Variants in APIP observed in about 807,000 individuals in gnomAD.
APIP encodes APAF1 interacting protein.
In APIP, 32 loss-of-function variants were observed where a neutral mutation model predicts 32.0. The ratio of observed to expected loss-of-function variants is 1.00; its 90% confidence interval spans 0.76 to 1.34. APIP has a LOEUF of 1.34. Among genes scored for constraint, APIP ranks in the 40% most tolerant of loss-of-function variants. The pLI, the probability that APIP is intolerant of heterozygous loss-of-function variation, is 0.00. For synonymous variants in APIP, 92 were observed against 94.8 expected (o/e 0.97, Z 0.17); for missense variants, 247 against 298.6 (o/e 0.83, Z 1.27).
intron 1 of APIP, among the ~76,000 whole-genome samples, chr11:34,914,585 G>A (rs1853623500): frequency 6.6e-6 from 1 of 152,124 alleles, no homozygotes; most frequent in Admixed American, 6.5e-5. Context: ...TGGTAACCTG[G>A]CCAGCACCCT....
chr11:34,910,920 T>C (rs1853537078), intron 1 of APIP, among the ~76,000 whole-genome samples: 1 of 152,158 alleles, frequency 6.6e-6, no homozygotes, highest in Non-Finnish European at 1.5e-5. Context: ...CTAATAGCTT[T>C]CAGTTTCTTT....
At chr11:34,896,036 A>G in intron 1 of APIP, among the ~76,000 whole-genome samples, 1 of 152,366 alleles carries the variant, frequency 6.6e-6, no homozygotes, top group African/African-American at 2.4e-5. Context: ...CACAGGGGCC[A>G]TAAAAAATGA....
chr11:34,898,039 C>T (rs571037567), intron 1 of APIP, among the ~76,000 whole-genome samples: 3 of 152,134 alleles, frequency 2.0e-5, no homozygotes, highest in African/African-American at 4.8e-5. Context: ...AACCACTCCA[C>T]GTGTGTCCAT....
rs1853114438 is a variant in APIP at position 34,888,288 on chromosome 11, A to C, written c.461+5T>G. On this transcript the variant is annotated splice_donor_5th_base_variant and intron_variant, in intron 5 of 6. Coordinates refer to ENST00000395787, the MANE Select transcript of APIP (RefSeq NM_015957.4). ...AATTATTTAAGAAAAAGGAAAAAAA[A>C]ATACCTATAATACCCTCCGGAAGTA... is the stretch of plus-strand genomic sequence containing the variant. 6.4e-7 allele frequency: 1 copy of C among 1,560,860 alleles called. No individual in the cohort carries two copies. The highest frequency in any genetic ancestry group is 8.6e-7 in the Non-Finnish European group (1 of 1,161,970).
chr11:34,909,880 G>T (rs1853519005), intron 1 of APIP, among the ~76,000 whole-genome samples: 1 of 152,142 alleles, frequency 6.6e-6, no homozygotes, highest in African/African-American at 2.4e-5. Flanking sequence ...GAGAAGCTGG[G>T]TTCACATTCC....
intron 1 of APIP, among the ~76,000 whole-genome samples, chr11:34,911,563 C>G (rs1332247153): frequency 6.6e-6 from 1 of 152,140 alleles, no homozygotes. Context: ...CTACGCAATG[C>G]TTAGAAAGAG....
intron 1 of APIP, among the ~76,000 whole-genome samples, chr11:34,905,160 C>T (rs1393689712): frequency 1.3e-5 from 2 of 152,214 alleles, no homozygotes; most frequent in African/African-American, 4.8e-5. Flanking sequence ...TAATTATTAT[C>T]CTCATAGCAG....
chr11:34,888,390 C>T lies in APIP; in HGVS notation c.364G>A (p.Val122Met). 6.2e-7 allele frequency: 1 copy of T among 1,611,294 alleles called. No homozygotes were observed. The highest frequency in any genetic ancestry group is 8.5e-7 in the Non-Finnish European group (1 of 1,178,778). ...AVIHTHSKAA[V>M]MATLLFPGRE... ...CCTGGAAAGAGAAGTGTGGCCATCACAGCAGCTTTAGAGTGGGTATGAATC... is the reference window on the plus strand; with the variant it reads ...CCTGGAAAGAGAAGTGTGGCCATCATAGCAGCTTTAGAGTGGGTATGAATC... Residue 122 changes from valine (V) to methionine (M), a missense_variant, in exon 5 of 7, where the codon GTG (valine) becomes ATG (methionine). Val to Met is a conservative substitution (Grantham distance 21, BLOSUM62 1). Transcript: ENST00000395787.
intron 3 of APIP, 99 bp from the exon 4 acceptor site, chr11:34,888,968 G>A: frequency 3.2e-6 from 2 of 619,666 alleles, no homozygotes; most frequent in Non-Finnish European, 5.1e-6. Context: ...ATACAAGAAA[G>A]TTTATCTATA....
chr11:34,915,650 G>T (rs542571931), intron 1 of APIP, among the ~76,000 whole-genome samples: 1 of 152,310 alleles, frequency 6.6e-6, no homozygotes, highest in East Asian at 1.9e-4. Flanking sequence ...TACATGCAGC[G>T]TGAGGGTGGA....
chr11:34,913,122 G>C (rs1035247979), intron 1 of APIP, among the ~76,000 whole-genome samples: 1 of 152,162 alleles, frequency 6.6e-6, no homozygotes, highest in East Asian at 1.9e-4. Flanking sequence ...CTCTTGCTTG[G>C]ATGCCTGCCA....
chr11:34,890,503 C>A lies in APIP; in HGVS notation c.207+1G>T. 1.2e-6 allele frequency: 2 copies of A among 1,608,366 alleles called. No homozygotes were observed. The highest frequency in any genetic ancestry group is 8.5e-7 in the Non-Finnish European group (1 of 1,177,366). ...GAGGTTAAAGAATCCCATTACCATA[C>A]CTGAATTCGTTCCTTTTGCACTCCT... On this transcript the variant is annotated splice_donor_variant, in intron 3 of 6. Coordinates refer to ENST00000395787, the MANE Select transcript of APIP (RefSeq NM_015957.4). LOFTEE classifies it high-confidence loss of function.
At chr11:34,906,502 T>C (rs1266961242) in intron 1 of APIP, among the ~76,000 whole-genome samples, 1 of 152,172 alleles carries the variant, frequency 6.6e-6, no homozygotes, top group Non-Finnish European at 1.5e-5. Flanking sequence ...TCCCTCTCCT[T>C]GAAAGATCAG....
At chr11:34,894,467 C>CAAA (rs57079015) in intron 2 of APIP, among the ~76,000 whole-genome samples, 21,131 of 85,962 alleles carry the variant, frequency 0.25, 3,384 homozygotes, top group Non-Finnish European at 0.34. Context: ...CCAGTCTCTA[C>CAAA]AAAAAAAAAA....
At position 34,909,479 on chromosome 11, in the gene APIP, G is replaced by T. The variant is rs1853509737; in HGVS notation, c.57+6749C>A. Among the ~76,000 whole-genome samples the T allele has an allele frequency of 2.0e-5, 3 of 152,270 alleles. No homozygotes were observed. In the South Asian group the frequency reaches 6.2e-4, roughly 32 times the overall value. On this transcript the variant is annotated intron_variant, in intron 1 of 6. Coordinates refer to ENST00000395787, the MANE Select transcript of APIP (RefSeq NM_015957.4). ...AGTCAAGGAAGGCCTCTCTGAGCAG[G>T]TGGCATTTAATCTAGGACCTAAAAG...
chr11:34,889,098 GAAAT>G (rs1222506324), intron 3 of APIP, among the ~76,000 whole-genome samples: 3 of 151,748 alleles, frequency 2.0e-5, no homozygotes, highest in Non-Finnish European at 4.4e-5. Flanking sequence ...GCAATTTTGA[GAAAT>G]AAAACAGTGA....
At position 34,909,538 on chromosome 11, in the gene APIP, C is replaced by T. The variant is rs184730472; in HGVS notation, c.57+6690G>A. 7.2e-5 allele frequency among the ~76,000 whole-genome samples: 11 copies of T among 151,996 alleles called. No individual in the cohort carries two copies. In the South Asian group the frequency reaches 1.2e-3, roughly 17 times the overall value. Reference sequence around the variant, plus strand: ...TAAGCCAGTGTGTGATGAATGAGTACGTGTGTGTGTGCAAGGTTTTGTGTT... The same window carrying T: ...TAAGCCAGTGTGTGATGAATGAGTATGTGTGTGTGTGCAAGGTTTTGTGTT... On this transcript the variant is annotated intron_variant, in intron 1 of 6. Transcript: ENST00000395787.
intron 1 of APIP, among the ~76,000 whole-genome samples, chr11:34,900,934 T>A (rs1006285851): frequency 1.3e-4 from 20 of 152,052 alleles, no homozygotes; most frequent in Non-Finnish European, 2.6e-4. Context: ...AGAGAGGCAC[T>A]AATAAAACAT....
intron 5 of APIP, among the ~76,000 whole-genome samples, chr11:34,886,790 G>A (rs1853080305): frequency 6.6e-6 from 1 of 152,176 alleles, no homozygotes; most frequent in African/African-American, 2.4e-5. Flanking sequence ...CTGCTATGCA[G>A]GCTTGTAGCC....
Sources: gnomAD v4.1 joint callset for allele counts (sites outside exome capture counted in the v4.1 genomes callset) on GRCh38, gnomAD v4.1.1 for gene constraint, MANE v1.5 for transcripts, NCBI Gene and HGNC (gene_info 2026-07-23, HGNC 2026-07-21) for gene names.